SDCBP2: variants seen among roughly 807,000 people sequenced by gnomAD.
SDCBP2 encodes syndecan binding protein 2, also known as syntenin-2.
Under a neutral mutation model 30.7 loss-of-function variants are expected in SDCBP2, and 28 were observed. The observed-to-expected ratio is 0.91, with a 90% CI of 0.68 to 1.25. The LOEUF (loss-of-function observed/expected upper bound fraction) is 1.25, where lower values mean the gene tolerates loss of function less well. Ranked by LOEUF, SDCBP2 falls within the 50% of genes most tolerant of loss-of-function variation. The pLI is 0.00. For synonymous variants in SDCBP2, 166 were observed against 157.3 expected (o/e 1.06, Z -0.41); for missense variants, 399 against 379.0 (o/e 1.05, Z -0.44).
At chr20:1,315,616 CA>C (rs920340020) in intron 4 of SDCBP2, among the ~76,000 whole-genome samples, 14 of 152,040 alleles carry the variant, frequency 9.2e-5, no homozygotes, top group Non-Finnish European at 1.8e-4. Context: ...TAACTCCTTA[CA>C]AAAAAATTAA....
At chr20:1,311,380 T>C (rs547242773) in intron 7 of SDCBP2, among the ~76,000 whole-genome samples, 1 of 149,628 alleles carries the variant, frequency 6.7e-6, no homozygotes, top group South Asian at 2.1e-4. Flanking sequence ...TTACATCCTC[T>C]TACATTTGCT....
chr20:1,318,357 T>C lies in SDCBP2; in HGVS notation c.186A>G (p.Glu62=). ...NYMGLSLSSQ[E]VQESLLQIPE... ...GAATCTGAAGCAGGCTCTCCTGGAC[T>C]TCTTGGCTGGAGAGGGAAAGACCCA... Residue 62 remains glutamate (E), a synonymous_variant, in exon 4 of 9, where the codon GAA becomes GAG. Coordinates refer to ENST00000360779, the MANE Select transcript of SDCBP2 (RefSeq NM_080489.5). The C allele has an allele frequency of 1.1e-5, 17 of 1,613,266 alleles. No individual in the cohort carries two copies. Among genetic ancestry groups the C allele is most frequent in the Non-Finnish European group, 1.4e-5 (17 of 1,179,648 alleles).
rs1040622207 is a variant in SDCBP2 at position 1,313,831 on chromosome 20, G to A, written c.226-333C>T. On this transcript the variant is annotated intron_variant, in intron 4 of 8. Coordinates refer to ENST00000360779, the MANE Select transcript of SDCBP2 (RefSeq NM_080489.5). This position sits in a 1 kb window ranked among gnomAD's most constrained non-coding sequence, Gnocchi z 5.2. ...AAAATAGAAAAAGTCACAGTAAATA[G>A]TGAGCAACAGGGGATAAAAGGACTG... 3.3e-5 allele frequency among the ~76,000 whole-genome samples: 5 copies of A among 152,190 alleles called. No homozygotes were observed. The highest frequency in any genetic ancestry group is 2.9e-5 in the Non-Finnish European group (2 of 68,036).
chr20:1,328,524 T>C (rs1486175780), intron 1 of SDCBP2, among the ~76,000 whole-genome samples: 1 of 152,184 alleles, frequency 6.6e-6, no homozygotes, highest in Non-Finnish European at 1.5e-5. Context: ...GAGGAGGGCA[T>C]GCACTGGCTC....
At chr20:1,318,727 C>T (rs1169677217) in intron 3 of SDCBP2, among the ~76,000 whole-genome samples, 1 of 152,206 alleles carries the variant, frequency 6.6e-6, no homozygotes, top group Non-Finnish European at 1.5e-5. Context: ...GGGTCCTAAT[C>T]CCTTCTTATA....
chr20:1,313,286 C>T lies in SDCBP2; in HGVS notation c.384+54G>A. 1.3e-6 allele frequency: 2 copies of T among 1,559,494 alleles called. No individual in the cohort carries two copies. The highest frequency in any genetic ancestry group is 2.3e-5 in the South Asian group (2 of 86,620). ...GGGCCCTCTGAGCTCTGAGGCCTGG[C>T]GGGAGAGCGCGTGCAGCTCGAGCTC... On this transcript the variant is annotated intron_variant, in intron 5 of 8. Coordinates refer to ENST00000360779, the MANE Select transcript of SDCBP2 (RefSeq NM_080489.5). The surrounding 1 kb of genome is among the most constrained non-coding windows in gnomAD (Gnocchi z 5.2).
Position 1,320,457 on chromosome 20 carries a change from G to GAAGGA in SDCBP2, c.-19-27_-19-23dup. ...CACCCTGCAGAGTGCAGAGGGTGGG[G>GAAGGA]AAGGATAAGGATGCAGCTGATGCCC... On this transcript the variant is annotated intron_variant, in intron 1 of 8. Coordinates refer to ENST00000360779, the MANE Select transcript of SDCBP2 (RefSeq NM_080489.5). The surrounding 1 kb of genome is among the most constrained non-coding windows in gnomAD (Gnocchi z 4.7). 6.3e-7 allele frequency: 1 copy of GAAGGA among 1,581,966 alleles called. No individual in the cohort carries two copies. Among genetic ancestry groups the GAAGGA allele is most frequent in the Non-Finnish European group, 8.6e-7 (1 of 1,156,844 alleles).
intron 1 of SDCBP2, chr20:1,323,998 A>T (rs185629170): frequency 6.6e-6 from 1 of 152,254 alleles, no homozygotes; most frequent in Admixed American, 6.5e-5. Flanking sequence ...AATCATTCAA[A>T]ACATTTGAGT....
At chr20:1,317,482 C>T (rs898561373) in intron 4 of SDCBP2, 6 of 152,394 alleles carry the variant, frequency 3.9e-5, no homozygotes, top group African/African-American at 1.4e-4. Flanking sequence ...AGAGTGATGA[C>T]AGTGGGGCTG....
chr20:1,314,420 G>A (rs1388593188), intron 4 of SDCBP2, among the ~76,000 whole-genome samples: 1 of 142,214 alleles, frequency 7.0e-6, no homozygotes, highest in Non-Finnish European at 1.5e-5. Context: ...CCAGGAGGTG[G>A]AGGTTGCAGT....
In SDCBP2 at chr20:1,313,406, C is replaced by G. The variant is rs2088715384; in HGVS notation, c.318G>C (p.Val106=). 1 of 1,608,856 alleles carries G rather than the reference C, an allele frequency of 6.2e-7. No individual in the cohort carries two copies. The change falls in exon 5 of 9, where the codon GTG becomes GTC. Residue 106 remains valine (V), a synonymous_variant. Transcript: ENST00000360779. The surrounding 1 kb of genome is among the most constrained non-coding windows in gnomAD (Gnocchi z 5.2). ...CGTCCTTGCACAGGTGGATCTCGCG[C>G]ACCCCGGGCTTGATCTCAGCTCGCC... is the stretch of plus-strand genomic sequence containing the variant. The part of the protein sequence containing the change: ...GVRRAEIKPG[V]REIHLCKDER...
rs531836502 is a variant in SDCBP2 at position 1,310,986 on chromosome 20, AGAG to A, written c.733-98_733-96del. ...TGGAGGGATCAGCATGGCCACTGCT[AGAG>A]GACACCACTGATGGCTGACTGCAGG... On this transcript the variant is annotated intron_variant, in intron 7 of 8. Coordinates refer to ENST00000360779, the MANE Select transcript of SDCBP2 (RefSeq NM_080489.5). The A allele has an allele frequency of 2.7e-4, 231 of 854,414 alleles. 1 individual carries two copies. In the African/African-American group the frequency reaches 3.6e-3, roughly 13 times the overall value. The allele number at this position is 854,414 out of a possible 1,614,324, so 52.9% of individuals were successfully genotyped here.
In SDCBP2 at chr20:1,310,084, G is replaced by C. The variant is rs1238765420; in HGVS notation, c.*357C>G. ...GGAAAAAGCTCTCACAAAGAACGTAGCTCTGTTCTCTTAAAATGTGTAACT... is the reference window on the plus strand; with the variant it reads ...GGAAAAAGCTCTCACAAAGAACGTACCTCTGTTCTCTTAAAATGTGTAACT... On this transcript the variant is annotated 3_prime_UTR_variant, in exon 9 of 9. Transcript: ENST00000360779. 2 of 210,286 alleles carry C rather than the reference G, an allele frequency of 9.5e-6. No individual in the cohort carries two copies. The highest frequency in any genetic ancestry group is 4.6e-5 in the African/African-American group (2 of 43,562). 13.0% of individuals were successfully genotyped at this position (210,286 alleles called of 1,614,324 possible). A position where few individuals can be genotyped will look rare whatever the true frequency, so the allele number is the denominator to read the frequency against.
rs1160802997 is a variant in SDCBP2, at chr20:1,313,582, G to A, written c.226-84C>T. The A allele has an allele frequency of 2.1e-6, 3 of 1,457,212 alleles. No homozygotes were observed. Among genetic ancestry groups the A allele is most frequent in the Admixed American group, 2.4e-5 (1 of 42,042 alleles). The allele number at this position is 1,457,212 out of a possible 1,614,324, so 90.3% of individuals were successfully genotyped here. A position where few individuals can be genotyped will look rare whatever the true frequency, so the allele number is the denominator to read the frequency against. On this transcript the variant is annotated intron_variant, in intron 4 of 8. Transcript: ENST00000360779. The surrounding 1 kb of genome is among the most constrained non-coding windows in gnomAD (Gnocchi z 5.2). Reference sequence around the variant, plus strand: ...GACACTGGGGTGGGGGTAGGGATGGGGAAAGGAGGATGGAGCCGTCCCCGG... The same window carrying A: ...GACACTGGGGTGGGGGTAGGGATGGAGAAAGGAGGATGGAGCCGTCCCCGG...
chr20:1,322,368 G>A (rs574513985), intron 1 of SDCBP2: 1 of 152,244 alleles, frequency 6.6e-6, no homozygotes, highest in African/African-American at 2.4e-5. Flanking sequence ...TTCCAAGATG[G>A]CAGGAACAGG....
At position 1,321,960 on chromosome 20, in the gene SDCBP2, T is replaced by C. The variant is rs1023074692; in HGVS notation, c.-19-1525A>G. 6.6e-6 allele frequency: 1 copy of C among 152,216 alleles called. No homozygotes were observed. The highest frequency in any genetic ancestry group is 1.5e-5 in the Non-Finnish European group (1 of 68,052). 9.4% of individuals were successfully genotyped at this position (152,216 alleles called of 1,614,324 possible). A position where few individuals can be genotyped will look rare whatever the true frequency, so the allele number is the denominator to read the frequency against. On this transcript the variant is annotated intron_variant, in intron 1 of 8. Coordinates refer to ENST00000360779, the MANE Select transcript of SDCBP2 (RefSeq NM_080489.5). The surrounding 1 kb of genome is among the most constrained non-coding windows in gnomAD (Gnocchi z 5.2). ...GGGTGACCCAGTCCACCATCCTCTA[T>C]TGGCTGTTACACCCAGACCATTGTA...
chr20:1,312,328 C>A lies in SDCBP2; in HGVS notation c.732+9G>T. The stretch of plus-strand genomic sequence containing the variant: ...CGGCAGTCCCTCCCTGGTGCGGCCA[C>A]CAGCCTACCTTCAGCCCGATAACAT... On this transcript the variant is annotated intron_variant, in intron 7 of 8. Coordinates refer to ENST00000360779, the MANE Select transcript of SDCBP2 (RefSeq NM_080489.5). 6.2e-7 allele frequency: 1 copy of A among 1,611,526 alleles called. No individual in the cohort carries two copies. The highest frequency in any genetic ancestry group is 8.5e-7 in the Non-Finnish European group (1 of 1,178,950).
In SDCBP2 at chr20:1,313,186, G is replaced by T. The variant is rs1355878786; in HGVS notation, c.384+154C>A. The T allele has an allele frequency of 2.5e-6, 2 of 801,998 alleles. No homozygotes were observed. The highest frequency in any genetic ancestry group is 4.0e-6 in the Non-Finnish European group (2 of 503,522). 49.7% of individuals were successfully genotyped at this position (801,998 alleles called of 1,614,324 possible). On this transcript the variant is annotated intron_variant, in intron 5 of 8. Transcript: ENST00000360779. This position sits in a 1 kb window ranked among gnomAD's most constrained non-coding sequence, Gnocchi z 5.2. Reference sequence around the variant, plus strand: ...CCAGCACCAGCCCCGCCCGGGTCTCGGGGAGGAGGGACTGGGGGCAAGAGC... The same window carrying T: ...CCAGCACCAGCCCCGCCCGGGTCTCTGGGAGGAGGGACTGGGGGCAAGAGC...
Position 1,320,318 on chromosome 20 carries a change from A to G in SDCBP2, c.54+45T>C, listed in dbSNP as rs1555783822. ...CCAGCACCTTCCAGGGTAATCCCCA[A>G]GGTCCCCTTCAGGGAATCCAGGCCA... On this transcript the variant is annotated intron_variant, in intron 2 of 8. Transcript: ENST00000360779. The surrounding 1 kb of genome is among the most constrained non-coding windows in gnomAD (Gnocchi z 4.7). 4 of 1,579,684 alleles carry G rather than the reference A, an allele frequency of 2.5e-6. No individual in the cohort carries two copies. Among genetic ancestry groups the G allele is most frequent in the South Asian group, 1.1e-5 (1 of 89,308 alleles).
Sources: gnomAD v4.1 joint callset for allele counts (sites outside exome capture counted in the v4.1 genomes callset) on GRCh38, gnomAD v4.1.1 for gene constraint, Gnocchi (gnomAD v3.1) non-coding constraint, MANE v1.5 for transcripts, NCBI Gene and HGNC (gene_info 2026-07-23, HGNC 2026-07-21) for gene names.